BACH2: variants seen among roughly 807,000 people sequenced by gnomAD.
BACH2 encodes BACH transcriptional regulator 2.
In BACH2, 5 loss-of-function variants were observed where a neutral mutation model predicts 61.8. The observed-to-expected ratio is 0.08, with a 90% confidence interval of 0.04 to 0.17. The LOEUF (loss-of-function observed/expected upper bound fraction) is 0.17. Ranked by LOEUF, BACH2 falls within the 10% of genes least tolerant of loss-of-function variation. BACH2 has a pLI of 1.00. For synonymous variants in BACH2, 446 were observed against 440.1 expected (o/e 1.01, Z -0.17); for missense variants, 824 against 1,091.1 (o/e 0.76, Z 3.45).
Position 89,950,162 on chromosome 6 carries a change from T to G in BACH2, c.1836+108A>C, listed in dbSNP as rs776851378. On this transcript the variant is annotated intron_variant, in intron 7 of 8. Transcript: ENST00000257749. The surrounding 1 kb of genome is among the most constrained non-coding windows in gnomAD (Gnocchi z 5.3). Reference sequence around the variant, plus strand: ...GAAGGCAGTCTCTCTACTGTCATCTTTAATCTTAGCACGTAAGAACAATGT... The same window carrying G: ...GAAGGCAGTCTCTCTACTGTCATCTGTAATCTTAGCACGTAAGAACAATGT... The G allele has an allele frequency of 7.5e-7, 1 of 1,329,192 alleles. No individual in the cohort carries two copies. 82.3% of individuals were successfully genotyped at this position (1,329,192 alleles called of 1,614,324 possible).
chr6:90,217,166 AG>A (rs1769566176), intron 3 of BACH2, among the ~76,000 whole-genome samples: 1 of 152,224 alleles, frequency 6.6e-6, no homozygotes, highest in Non-Finnish European at 1.5e-5. Flanking sequence ...GAACAGCTTC[AG>A]TGTTGGACTA....
chr6:90,042,295 C>T (rs1779573969), intron 5 of BACH2, among the ~76,000 whole-genome samples: 1 of 152,120 alleles, frequency 6.6e-6, no homozygotes, highest in Admixed American at 6.5e-5. Context: ...TGGGCTCAAG[C>T]AGTTCTCCCT....
intron 6 of BACH2, among the ~76,000 whole-genome samples, chr6:90,007,416 G>A (rs538359447): frequency 2.0e-5 from 3 of 151,912 alleles, no homozygotes; most frequent in African/African-American, 7.2e-5. Context: ...ATCCTCCTGT[G>A]TCAGCCTCCT....
chr6:89,939,755 C>A (rs1164890297), intron 7 of BACH2, among the ~76,000 whole-genome samples: 1 of 143,578 alleles, frequency 7.0e-6, no homozygotes. Flanking sequence ...GCCTTAACCT[C>A]CTGGGCTCAA....
chr6:90,208,517 C>A (rs1582486296), intron 3 of BACH2, among the ~76,000 whole-genome samples: 2 of 152,164 alleles, frequency 1.3e-5, no homozygotes, highest in East Asian at 3.8e-4. Context: ...CACCTCACAC[C>A]AGTTAGAATG....
intron 5 of BACH2, among the ~76,000 whole-genome samples, chr6:90,011,611 C>G (rs3857497): frequency 0.23 from 35,335 of 152,098 alleles, 4,407 homozygotes; most frequent in Non-Finnish European, 0.28. Context: ...GTAGCTGGCA[C>G]TACAGGTGTG....
chr6:90,218,613 C>G (rs1422491627), intron 3 of BACH2, among the ~76,000 whole-genome samples: 2 of 151,938 alleles, frequency 1.3e-5, no homozygotes, highest in Non-Finnish European at 2.9e-5. Flanking sequence ...GGAGCCCTCC[C>G]AGGAGGGAGG....
chr6:90,294,786 A>ATGT (rs1772286448), intron 1 of BACH2, among the ~76,000 whole-genome samples: 1 of 152,140 alleles, frequency 6.6e-6, no homozygotes, highest in Non-Finnish European at 1.5e-5. Context: ...GCAGCCTTTC[A>ATGT]CGCTCAGCTT....
chr6:90,067,564 G>A (rs1479081479), intron 5 of BACH2, among the ~76,000 whole-genome samples: 2 of 152,200 alleles, frequency 1.3e-5, no homozygotes, highest in East Asian at 3.9e-4. Context: ...GAGGGCATGT[G>A]AGAGAGGATG....
At chr6:90,135,455 C>T (rs1435511381) in intron 4 of BACH2, among the ~76,000 whole-genome samples, 1 of 152,170 alleles carries the variant, frequency 6.6e-6, no homozygotes, top group Non-Finnish European at 1.5e-5. Flanking sequence ...AGGCTGGGCA[C>T]AGTAGCTCGC....
chr6:90,187,264 C>T (rs190539317), intron 4 of BACH2, among the ~76,000 whole-genome samples: 2 of 152,224 alleles, frequency 1.3e-5, no homozygotes, highest in African/African-American at 2.4e-5. Flanking sequence ...TGGAAAGCAC[C>T]CCCTAAACGG....
At chr6:90,192,376 G>A (rs1025782590) in intron 4 of BACH2, among the ~76,000 whole-genome samples, 1 of 151,404 alleles carries the variant, frequency 6.6e-6, no homozygotes, top group Non-Finnish European at 1.5e-5. Context: ...TCTAAATGTA[G>A]AGAATTCATA....
At chr6:90,203,131 C>T (rs1042773731) in intron 4 of BACH2, among the ~76,000 whole-genome samples, 2 of 151,826 alleles carry the variant, frequency 1.3e-5, no homozygotes, top group Non-Finnish European at 2.9e-5. Context: ...TAAATTTTGG[C>T]CAGGTGAGGT....
intron 4 of BACH2, among the ~76,000 whole-genome samples, chr6:90,114,238 C>T (rs1176815957): frequency 1.3e-5 from 2 of 152,126 alleles, no homozygotes; most frequent in Non-Finnish European, 2.9e-5. Context: ...GGCCAATATC[C>T]TTGATGAATA....
chr6:90,000,045 T>G (rs1363174534), intron 6 of BACH2, among the ~76,000 whole-genome samples: 1 of 152,256 alleles, frequency 6.6e-6, no homozygotes, highest in East Asian at 1.9e-4. Context: ...ATAGGCTTAC[T>G]GGCCTCAGGA....
chr6:89,976,760 A>G (rs541430846), intron 6 of BACH2, among the ~76,000 whole-genome samples: 4 of 152,324 alleles, frequency 2.6e-5, no homozygotes, highest in Non-Finnish European at 4.4e-5. Context: ...TACCAAAGAG[A>G]AAAAACTCAT....
chr6:90,079,115 T>G (rs2127804210), intron 5 of BACH2, among the ~76,000 whole-genome samples: 1 of 152,282 alleles, frequency 6.6e-6, no homozygotes, highest in African/African-American at 2.4e-5. Context: ...CCGCCTCTCT[T>G]TGGTGTTTCT....
intron 5 of BACH2, among the ~76,000 whole-genome samples, chr6:90,052,410 T>C (rs949170493): frequency 6.6e-6 from 1 of 152,118 alleles, no homozygotes; most frequent in African/African-American, 2.4e-5. Context: ...TTAAAGTCTT[T>C]TATCTATCTA....
chr6:90,243,069 T>TA (rs1432627537), intron 3 of BACH2, among the ~76,000 whole-genome samples: 8 of 147,788 alleles, frequency 5.4e-5, no homozygotes, highest in African/African-American at 2.0e-4. Flanking sequence ...TTTTTTTTTT[T>TA]TTTTAGTAGA....
Sources: gnomAD v4.1 joint callset for allele counts (sites outside exome capture counted in the v4.1 genomes callset) on GRCh38, gnomAD v4.1.1 for gene constraint, Gnocchi (gnomAD v3.1) non-coding constraint, MANE v1.5 for transcripts, NCBI Gene and HGNC (gene_info 2026-07-23, HGNC 2026-07-21) for gene names.